TTC21B: variants seen among roughly 807,000 people sequenced by gnomAD.
The protein encoded by TTC21B is tetratricopeptide repeat protein 21B.
In TTC21B, 127 loss-of-function variants were observed where a neutral mutation model predicts 175.1. That is an observed-to-expected ratio of 0.73 (90% CI 0.63 to 0.84). The LOEUF is 0.84. Among genes scored for constraint, TTC21B ranks in the 40% least tolerant of loss-of-function variants. The pLI is 0.00. For synonymous variants in TTC21B, 524 were observed against 524.5 expected (o/e 1.00, Z 0.01); for missense variants, 1,561 against 1,558.3 (o/e 1.00, Z -0.03).
chr2:165,901,660 A>G, intron 20 of TTC21B, 62 bp downstream of exon 20: 1 of 1,507,182 alleles, frequency 6.6e-7, no homozygotes, highest in Non-Finnish European at 9.2e-7. Flanking sequence ...AAAATTTTAC[A>G]TCTGAGGAAA....
chr2:165,928,516 C>A (rs1686763335), intron 11 of TTC21B, among the ~76,000 whole-genome samples: 1 of 152,038 alleles, frequency 6.6e-6, no homozygotes, highest in South Asian at 2.1e-4. Flanking sequence ...CAGATTCACA[C>A]ACAGAATTCT....
At chr2:165,893,484 A>G (rs1685263975) in intron 22 of TTC21B, among the ~76,000 whole-genome samples, 1 of 152,210 alleles carries the variant, frequency 6.6e-6, no homozygotes, top group Admixed American at 6.5e-5. Context: ...CCAGTGACAG[A>G]TTAAATTACA....
intron 22 of TTC21B, among the ~76,000 whole-genome samples, chr2:165,893,901 G>A (rs1685276571): frequency 6.6e-6 from 1 of 152,084 alleles, no homozygotes. Flanking sequence ...AGAAGGATAA[G>A]AAATATAAAT....
intron 22 of TTC21B, 90 bp from the exon 23 acceptor site, chr2:165,891,078 T>C: frequency 1.7e-6 from 2 of 1,152,334 alleles, no homozygotes; most frequent in Non-Finnish European, 2.5e-6. Flanking sequence ...TATAATTTAC[T>C]TCATATAAAG....
chr2:165,902,321 A>C (rs565355551), intron 19 of TTC21B, among the ~76,000 whole-genome samples: 1 of 152,336 alleles, frequency 6.6e-6, no homozygotes, highest in East Asian at 1.9e-4. Context: ...TCCTTTAATA[A>C]ATGGTAAGAA....
intron 28 of TTC21B, among the ~76,000 whole-genome samples, chr2:165,875,415 C>T (rs1337474605): frequency 1.3e-5 from 2 of 152,018 alleles, no homozygotes; most frequent in Non-Finnish European, 2.9e-5. Flanking sequence ...ATGATGCTAA[C>T]AGATTGCTGT....
At chr2:165,945,760 TAAC>T (rs1299347700) in intron 3 of TTC21B, 70 bp from the exon 4 acceptor site, 1 of 1,504,540 alleles carries the variant, frequency 6.6e-7, no homozygotes, top group Non-Finnish European at 9.0e-7. Context: ...GTCAGATAAT[TAAC>T]AAGGCAAAAA....
intron 28 of TTC21B, among the ~76,000 whole-genome samples, chr2:165,875,617 G>A (rs1684642754): frequency 6.6e-6 from 1 of 152,072 alleles, no homozygotes; most frequent in Non-Finnish European, 1.5e-5. Context: ...ATGAATTACA[G>A]AATGCAATTG....
chr2:165,945,228 A>G (rs1426516484), intron 4 of TTC21B, among the ~76,000 whole-genome samples: 1 of 152,170 alleles, frequency 6.6e-6, no homozygotes, highest in African/African-American at 2.4e-5. Context: ...AAAGGAAAGG[A>G]CAAAATATGG....
At chr2:165,885,087 C>T (rs1253668557) in intron 25 of TTC21B, among the ~76,000 whole-genome samples, 1 of 152,008 alleles carries the variant, frequency 6.6e-6, no homozygotes, top group East Asian at 1.9e-4. Context: ...GGGTTCAAGG[C>T]CACAGTGAGT....
rs370846838 is a variant in TTC21B, at chr2:165,915,279, A to C, written c.2060T>G (p.Phe687Cys). 19 of 1,613,966 alleles carry C rather than the reference A, an allele frequency of 1.2e-5. No homozygotes were observed. The highest frequency in any genetic ancestry group is 2.7e-5 in the African/African-American group (2 of 74,906). ...LQNVTAEQPY[F>C]IEAREKMADI... ...TGCCATTTTTTCTCTGGCCTCTATAAAATAAGGCTGTTCGGCTGTAACATT... is the reference window on the plus strand; with the variant it reads ...TGCCATTTTTTCTCTGGCCTCTATACAATAAGGCTGTTCGGCTGTAACATT... Residue 687 changes from phenylalanine to cysteine, a missense_variant, in exon 15 of 29, where the codon TTT becomes TGT. Physicochemically the swap from Phe to Cys is radical, Grantham distance 205. Coordinates refer to ENST00000243344, the MANE Select transcript of TTC21B (RefSeq NM_024753.5).
rs778771414 is a variant in TTC21B, at chr2:165,874,714, T to C, written c.*41A>G. Reference sequence around the variant, plus strand: ...CAGGAAGAACTGAAAGTTAGATTTCTTTCATTTCCTGTTAAACCAACACCT... The same window carrying C: ...CAGGAAGAACTGAAAGTTAGATTTCCTTCATTTCCTGTTAAACCAACACCT... On this transcript the variant is annotated 3_prime_UTR_variant, in exon 29 of 29. Transcript: ENST00000243344. The C allele has an allele frequency of 6.4e-7, 1 of 1,563,598 alleles. No homozygotes were observed. The highest frequency in any genetic ancestry group is 1.4e-5 in the African/African-American group (1 of 74,068).
At chr2:165,944,603 C>A (rs1687485409) in intron 4 of TTC21B, among the ~76,000 whole-genome samples, 1 of 152,106 alleles carries the variant, frequency 6.6e-6, no homozygotes, top group African/African-American at 2.4e-5. Flanking sequence ...TGGATTTGCA[C>A]TCTAATAAAA....
At chr2:165,901,341 T>TG (rs1482505731) in intron 20 of TTC21B, among the ~76,000 whole-genome samples, 1 of 152,120 alleles carries the variant, frequency 6.6e-6, no homozygotes, top group Non-Finnish European at 1.5e-5. Context: ...TTTTTTGAGA[T>TG]GGAGTCCCGC....
chr2:165,941,993 T>C (rs1687385269), intron 5 of TTC21B, among the ~76,000 whole-genome samples: 1 of 152,174 alleles, frequency 6.6e-6, no homozygotes, highest in Admixed American at 6.6e-5. Flanking sequence ...AATAAAGCTA[T>C]AAATATAGTT....
intron 20 of TTC21B, 125 bp from the exon 21 acceptor site, chr2:165,900,005 A>C (rs528307130): frequency 1.5e-4 from 60 of 405,706 alleles, no homozygotes; most frequent in South Asian, 1.4e-3. Flanking sequence ...CAAGTATAAT[A>C]GACAAAAAAA....
chr2:165,951,252 A>G (rs1486060108), intron 1 of TTC21B, among the ~76,000 whole-genome samples: 1 of 152,240 alleles, frequency 6.6e-6, no homozygotes, highest in Non-Finnish European at 1.5e-5. Context: ...GCAGTGGCAT[A>G]GCACCATAAA....
intron 22 of TTC21B, among the ~76,000 whole-genome samples, chr2:165,893,554 A>T (rs1685266883): frequency 6.6e-6 from 1 of 152,192 alleles, no homozygotes; most frequent in African/African-American, 2.4e-5. Context: ...CACTTAAGAA[A>T]TGTATTAAAA....
intron 3 of TTC21B, among the ~76,000 whole-genome samples, chr2:165,946,856 A>G (rs970683143): frequency 7.2e-5 from 11 of 152,020 alleles, no homozygotes; most frequent in African/African-American, 2.7e-4. Context: ...TGTAATGCAC[A>G]ATATAGCTAT....
Sources: gnomAD v4.1 joint callset for allele counts (sites outside exome capture counted in the v4.1 genomes callset) on GRCh38, gnomAD v4.1.1 for gene constraint, MANE v1.5 for transcripts, NCBI Gene and HGNC (gene_info 2026-07-23, HGNC 2026-07-21) for gene names.